The following PRKCA variants were observed in gnomAD, a reference collection of about 807,000 sequenced individuals.
The protein encoded by PRKCA is protein kinase C alpha.
In PRKCA, 27 loss-of-function variants were observed where a neutral mutation model predicts 87.0. The ratio of observed to expected loss-of-function variants is 0.31; its 90% CI spans 0.23 to 0.43. The LOEUF (loss-of-function observed/expected upper bound fraction) is 0.43, where lower values mean the gene tolerates loss of function less well. Among genes scored for constraint, PRKCA ranks in the 20% least tolerant of loss-of-function variants. PRKCA has a pLI of 1.00. For synonymous variants in PRKCA, 329 were observed against 311.1 expected, an observed-to-expected ratio of 1.06 and a Z score of -0.61; for missense variants, 518 against 852.3, an observed-to-expected ratio of 0.61 and a Z score of 4.88.
chr17:66,804,091 G>C lies in PRKCA; in HGVS notation c.*54G>C. On this transcript the variant is annotated 3_prime_UTR_variant, in exon 17 of 17. Transcript: ENST00000413366. ...CAGCCCCCAGCCCTCCCCGCAGTGGGAAGTGAATCCTTAACCCTAAAATTT... is the reference window on the plus strand; with the variant it reads ...CAGCCCCCAGCCCTCCCCGCAGTGGCAAGTGAATCCTTAACCCTAAAATTT... 1 of 1,565,786 alleles carries C rather than the reference G, an allele frequency of 6.4e-7. No individual in the cohort carries two copies. The highest frequency in any genetic ancestry group is 8.7e-7 in the Non-Finnish European group (1 of 1,151,572).
chr17:66,724,840 A>G (rs1366738236), intron 8 of PRKCA, among the ~76,000 whole-genome samples: 6 of 152,248 alleles, frequency 3.9e-5, no homozygotes, highest in African/African-American at 1.4e-4. Context: ...TAGTCATGAC[A>G]ACTAGAGTTA....
At chr17:66,494,652 A>G (rs1005728606) in intron 2 of PRKCA, among the ~76,000 whole-genome samples, 9 of 152,222 alleles carry the variant, frequency 5.9e-5, no homozygotes, top group African/African-American at 1.9e-4. Flanking sequence ...TGACTAACCT[A>G]GTATTCCTGA....
intron 2 of PRKCA, among the ~76,000 whole-genome samples, chr17:66,335,586 C>T (rs1001852607): frequency 4.0e-5 from 6 of 149,308 alleles, no homozygotes; most frequent in African/African-American, 1.2e-4. Flanking sequence ...CCCCCCACTG[C>T]CCAAAAAAAA....
At chr17:66,621,520 G>T (rs936599639) in intron 3 of PRKCA, among the ~76,000 whole-genome samples, 6 of 152,142 alleles carry the variant, frequency 3.9e-5, no homozygotes, top group African/African-American at 1.4e-4. Context: ...AGGATTATTT[G>T]CTCCATTTAG....
At chr17:66,724,516 T>C (rs1195736598) in intron 8 of PRKCA, among the ~76,000 whole-genome samples, 1 of 152,148 alleles carries the variant, frequency 6.6e-6, no homozygotes, top group Admixed American at 6.5e-5. Flanking sequence ...AGCAGGAGCG[T>C]TTCTAATGAG....
intron 3 of PRKCA, among the ~76,000 whole-genome samples, chr17:66,545,120 CT>C (rs1452992164): frequency 6.6e-6 from 1 of 152,154 alleles, no homozygotes; most frequent in Non-Finnish European, 1.5e-5. Flanking sequence ...CTTGTCAGTG[CT>C]GCAGGAGTTT....
chr17:66,416,630 G>T (rs1268734270), intron 2 of PRKCA: 2 of 152,206 alleles, frequency 1.3e-5, no homozygotes, highest in African/African-American at 4.8e-5. Context: ...TCTCAAGCGG[G>T]TGCTGTTGTT....
At chr17:66,590,818 C>T (rs1969780845) in intron 3 of PRKCA, among the ~76,000 whole-genome samples, 2 of 152,154 alleles carry the variant, frequency 1.3e-5, no homozygotes, top group African/African-American at 4.8e-5. Context: ...CTACTGCACT[C>T]CAGCCTGGGC....
chr17:66,591,112 T>C lies in PRKCA; in HGVS notation c.289-50243T>C, dbSNP rs559118957. On this transcript the variant is annotated intron_variant, in intron 3 of 16. Coordinates refer to ENST00000413366, the MANE Select transcript of PRKCA (RefSeq NM_002737.3). Reference sequence around the variant, plus strand: ...GTGACTTGGTGTGGTCAATGCTCAATACATGTAAGCTTTTATTATTGTTGT... The same window carrying C: ...GTGACTTGGTGTGGTCAATGCTCAACACATGTAAGCTTTTATTATTGTTGT... Among the ~76,000 whole-genome samples, 5 of 152,272 alleles carry C rather than the reference T, an allele frequency of 3.3e-5. No homozygotes were observed. In the South Asian group the frequency reaches 1.0e-3, roughly 32 times the overall value.
At chr17:66,397,797 G>A (rs1178037179) in intron 2 of PRKCA, among the ~76,000 whole-genome samples, 1 of 152,066 alleles carries the variant, frequency 6.6e-6, no homozygotes, top group African/African-American at 2.4e-5. Context: ...CCATTATTCA[G>A]GATACAGTGC....
intron 3 of PRKCA, among the ~76,000 whole-genome samples, chr17:66,539,085 C>G (rs549788077): frequency 6.6e-6 from 1 of 152,340 alleles, no homozygotes; most frequent in East Asian, 1.9e-4. Context: ...CTCATCTGTT[C>G]ACAGGCAAAT....
chr17:66,580,772 G>A (rs1567912034), intron 3 of PRKCA, among the ~76,000 whole-genome samples: 1 of 152,134 alleles, frequency 6.6e-6, no homozygotes, highest in African/African-American at 2.4e-5. Context: ...GCCACCCTGC[G>A]CCCTTCTTGC....
chr17:66,611,767 A>G (rs1970371046), intron 3 of PRKCA, among the ~76,000 whole-genome samples: 1 of 152,198 alleles, frequency 6.6e-6, no homozygotes, highest in Admixed American at 6.5e-5. Context: ...TGGTTACACC[A>G]TTTTATGGTT....
In PRKCA at chr17:66,526,449, C is replaced by T. The variant is rs181462363; in HGVS notation, c.288+30166C>T. Among the ~76,000 whole-genome samples, 976 of 152,248 alleles carry T rather than the reference C, an allele frequency of 6.4e-3. 31 individuals are homozygous for T. The highest frequency in any genetic ancestry group is 0.055 in the Admixed American group (843 of 15,278). The stretch of plus-strand genomic sequence containing the variant: ...TTCACCTGTGCTCAGCTAGGCATCT[C>T]GGCCTCTCATTGTGAGGCTGTGAAT... On this transcript the variant is annotated intron_variant, in intron 3 of 16. Transcript: ENST00000413366.
chr17:66,796,748 G>A (rs1047084815), intron 16 of PRKCA: 2 of 985,174 alleles, frequency 2.0e-6, no homozygotes, highest in Non-Finnish European at 1.2e-6. Context: ...AAAAGAAGAC[G>A]CTGTGCAACC....
At chr17:66,397,069 G>A (rs1415956725) in intron 2 of PRKCA, among the ~76,000 whole-genome samples, 3 of 142,000 alleles carry the variant, frequency 2.1e-5, no homozygotes, top group African/African-American at 5.2e-5. Flanking sequence ...AGGTTCAAGC[G>A]ATTCTCCTGC....
chr17:66,568,704 A>G (rs1483157541), intron 3 of PRKCA, among the ~76,000 whole-genome samples: 1 of 152,224 alleles, frequency 6.6e-6, no homozygotes, highest in African/African-American at 2.4e-5. Context: ...AGATGATTTA[A>G]AAATCATTTC....
chr17:66,500,368 A>G (rs1021175669), intron 3 of PRKCA, among the ~76,000 whole-genome samples: 6 of 152,340 alleles, frequency 3.9e-5, no homozygotes, highest in African/African-American at 1.4e-4. Context: ...AAGGTGGCCA[A>G]ACTGTGCTGC....
intron 2 of PRKCA, among the ~76,000 whole-genome samples, chr17:66,323,998 A>G (rs1265059109): frequency 6.6e-6 from 1 of 152,086 alleles, no homozygotes; most frequent in African/African-American, 2.4e-5. Context: ...CTTCACCCAC[A>G]TGACTGTACA....
Sources: gnomAD v4.1 joint callset for allele counts (sites outside exome capture counted in the v4.1 genomes callset) on GRCh38, gnomAD v4.1.1 for gene constraint, MANE v1.5 for transcripts, NCBI Gene and HGNC (gene_info 2026-07-23, HGNC 2026-07-21) for gene names.